The following UBE2E2 variants were observed in gnomAD, a reference collection of about 807,000 sequenced individuals.
UBE2E2 encodes the protein ubiquitin conjugating enzyme E2 E2.
UBE2E2 carries 6 observed loss-of-function variants against 24.7 expected under a neutral mutation model. The ratio of observed to expected loss-of-function variants is 0.24; its 90% confidence interval spans 0.13 to 0.48. The LOEUF (loss-of-function observed/expected upper bound fraction) is 0.48, where lower values mean the gene tolerates loss of function less well. Ranked by LOEUF, UBE2E2 falls within the 20% of genes least tolerant of loss-of-function variation. UBE2E2 has a pLI of 0.99. For missense variants in UBE2E2, 169 were observed against 245.0 expected (o/e 0.69, Z 2.07); for synonymous variants, 104 against 83.6 (o/e 1.24, Z -1.33).
At chr3:23,505,034 A>T (rs1694406747) in intron 4 of UBE2E2, among the ~76,000 whole-genome samples, 2 of 149,414 alleles carry the variant, frequency 1.3e-5, no homozygotes, top group Non-Finnish European at 3.0e-5. Context: ...GCCTCCCAAG[A>T]GGCTGGGACT....
At chr3:23,302,991 A>G (rs574842946) in intron 3 of UBE2E2, among the ~76,000 whole-genome samples, 13 of 152,318 alleles carry the variant, frequency 8.5e-5, no homozygotes, top group African/African-American at 3.1e-4. Context: ...GTGGCACAGC[A>G]GGAGGTGAGC....
At chr3:23,432,296 A>T (rs1470267105) in intron 3 of UBE2E2, among the ~76,000 whole-genome samples, 2 of 152,152 alleles carry the variant, frequency 1.3e-5, no homozygotes, top group African/African-American at 4.8e-5. Flanking sequence ...GCTGAAAGGT[A>T]TCATAAGTGC....
intron 3 of UBE2E2, among the ~76,000 whole-genome samples, chr3:23,394,888 A>G (rs1467878369): frequency 6.6e-6 from 1 of 152,138 alleles, no homozygotes; most frequent in Non-Finnish European, 1.5e-5. Context: ...TATTGCTTTG[A>G]TTTTGCTATT....
intron 5 of UBE2E2, among the ~76,000 whole-genome samples, chr3:23,560,090 T>G (rs941010186): frequency 1.3e-5 from 2 of 152,150 alleles, no homozygotes; most frequent in African/African-American, 4.8e-5. Context: ...TTTTAAGTTC[T>G]AGGGTACATG....
intron 3 of UBE2E2, among the ~76,000 whole-genome samples, chr3:23,331,366 C>T (rs941685765): frequency 1.3e-5 from 2 of 152,084 alleles, no homozygotes; most frequent in Non-Finnish European, 2.9e-5. Context: ...CAAAGTACTG[C>T]CAACCTGGAG....
intron 3 of UBE2E2, among the ~76,000 whole-genome samples, chr3:23,307,198 T>C (rs1439770075): frequency 1.3e-5 from 2 of 152,160 alleles, no homozygotes; most frequent in Non-Finnish European, 2.9e-5. Context: ...TTAAAAAATA[T>C]ATACTGTTGC....
chr3:23,542,617 T>C (rs937710544), intron 5 of UBE2E2, among the ~76,000 whole-genome samples: 2 of 152,232 alleles, frequency 1.3e-5, no homozygotes, highest in Non-Finnish European at 2.9e-5. Context: ...TAATAAAATG[T>C]ATTTTCTGTA....
intron 3 of UBE2E2, chr3:23,274,021 A>C (rs1030256435): frequency 6.6e-6 from 1 of 152,202 alleles, no homozygotes; most frequent in Non-Finnish European, 1.5e-5. Flanking sequence ...TACAATGGGA[A>C]AAAAAATGCT....
chr3:23,509,640 C>G (rs1055887784), intron 4 of UBE2E2, among the ~76,000 whole-genome samples: 1 of 151,880 alleles, frequency 6.6e-6, no homozygotes, highest in African/African-American at 2.4e-5. Context: ...AGGTTTGTTA[C>G]ATATGTATAC....
intron 3 of UBE2E2, among the ~76,000 whole-genome samples, chr3:23,273,530 CAA>C (rs11328464): frequency 6.3e-4 from 89 of 140,914 alleles, no homozygotes; most frequent in Middle Eastern, 3.7e-3. Context: ...GACTCCGTCT[CAA>C]AAAAAAAAAA....
intron 3 of UBE2E2, among the ~76,000 whole-genome samples, chr3:23,352,571 A>G (rs1291451669): frequency 6.6e-6 from 1 of 152,244 alleles, no homozygotes; most frequent in African/African-American, 2.4e-5. Flanking sequence ...AATCCCACAG[A>G]AATGCAAACT....
chr3:23,451,760 A>G (rs1020109352), intron 3 of UBE2E2, among the ~76,000 whole-genome samples: 13 of 152,194 alleles, frequency 8.5e-5, no homozygotes, highest in Non-Finnish European at 1.5e-4. Context: ...AGCGAGGAAT[A>G]TGTTCATAGT....
intron 3 of UBE2E2, among the ~76,000 whole-genome samples, chr3:23,413,099 TGAG>T (rs1351148649): frequency 1.3e-5 from 2 of 151,306 alleles, no homozygotes; most frequent in Non-Finnish European, 2.9e-5. Context: ...TAATGCTAAA[TGAG>T]GAGTTAATGG....
intron 3 of UBE2E2, among the ~76,000 whole-genome samples, chr3:23,417,933 G>A (rs931987441): frequency 3.9e-5 from 6 of 152,148 alleles, no homozygotes; most frequent in African/African-American, 1.2e-4. Flanking sequence ...ATCCCAGGTC[G>A]ACTTCAGACT....
chr3:23,524,977 T>C (rs997029716), intron 4 of UBE2E2, among the ~76,000 whole-genome samples: 16 of 152,172 alleles, frequency 1.1e-4, no homozygotes, highest in African/African-American at 3.9e-4. Flanking sequence ...TATAGTCTTA[T>C]AGTTCCGTGG....
At chr3:23,302,106 AG>A (rs1699112691) in intron 3 of UBE2E2, among the ~76,000 whole-genome samples, 1 of 151,848 alleles carries the variant, frequency 6.6e-6, no homozygotes, top group South Asian at 2.1e-4. Flanking sequence ...GGAGTTCTTG[AG>A]GCTTGGGCTC....
In UBE2E2 at chr3:23,474,822, T is replaced by C. The variant is rs1001250561; in HGVS notation, c.228-24786T>C. Among the ~76,000 whole-genome samples, 7 of 152,090 alleles carry C rather than the reference T, an allele frequency of 4.6e-5. No homozygotes were observed. Among genetic ancestry groups the C allele is most frequent in the Non-Finnish European group, 7.3e-5 (5 of 68,032 alleles). ...TCCTCCTTCCTGTTTGGACATTTTG[T>C]ATGCCCCGCCCTTCTTATCCCCCAT... On this transcript the variant is annotated intron_variant, in intron 3 of 5. Coordinates refer to ENST00000396703, the MANE Select transcript of UBE2E2 (RefSeq NM_152653.4). The surrounding 1 kb of genome is among the most constrained non-coding windows in gnomAD (Gnocchi z 4.0).
rs771838241 is a variant in UBE2E2 at position 23,314,956 on chromosome 3, A to G, written c.227+97644A>G. On this transcript the variant is annotated intron_variant, in intron 3 of 5. Transcript: ENST00000396703. ...TTGGGTTAAATCTGGTTGGTTTTCT[A>G]TAAACTTCTTGTACTTGAATATCGA... Among the ~76,000 whole-genome samples, 34 of 152,156 alleles carry G rather than the reference A, an allele frequency of 2.2e-4. 1 individual carries two copies. Among genetic ancestry groups the G allele is most frequent in the Non-Finnish European group, 1.0e-4 (7 of 68,034 alleles).
At chr3:23,339,580 C>T (rs1364582067) in intron 3 of UBE2E2, among the ~76,000 whole-genome samples, 1 of 151,968 alleles carries the variant, frequency 6.6e-6, no homozygotes, top group Admixed American at 6.6e-5. Flanking sequence ...CTTAGAGACC[C>T]TAGTTAAATG....
Sources: allele counts gnomAD v4.1 joint callset (sites outside exome capture counted in the v4.1 genomes callset), GRCh38; gene constraint gnomAD v4.1.1; non-coding constraint Gnocchi (gnomAD v3.1); transcripts MANE v1.5; gene names NCBI Gene and HGNC (gene_info 2026-07-23, HGNC 2026-07-21).